The following CTNNA2 variants were observed in gnomAD, a reference collection of about 807,000 sequenced individuals.
CTNNA2 encodes the protein catenin alpha-2.
In CTNNA2, 42 loss-of-function variants were observed where a neutral mutation model predicts 101.0. That is an observed-to-expected ratio of 0.42 (90% confidence interval 0.32 to 0.54). CTNNA2 has a LOEUF of 0.54. Ranked by LOEUF, CTNNA2 falls within the 20% of genes least tolerant of loss-of-function variation. CTNNA2 has a pLI of 0.14. For missense variants in CTNNA2, 871 were observed against 1,223.1 expected, an observed-to-expected ratio of 0.71 and a Z score of 4.29; for synonymous variants, 450 against 456.4, an observed-to-expected ratio of 0.99 and a Z score of 0.18.
intron 7 of CTNNA2, among the ~76,000 whole-genome samples, chr2:80,116,947 G>T (rs1319228): frequency 6.8e-6 from 1 of 147,784 alleles, no homozygotes; most frequent in African/African-American, 2.6e-5. Flanking sequence ...CTATGCAAAG[G>T]TATTTAGGCT....
At chr2:79,256,650 C>T (rs1166917294) in intron 2 of CTNNA2, among the ~76,000 whole-genome samples, 1 of 152,182 alleles carries the variant, frequency 6.6e-6, no homozygotes, top group Non-Finnish European at 1.5e-5. Context: ...TCATCCACTA[C>T]TTGCTCAAGC....
intron 7 of CTNNA2, among the ~76,000 whole-genome samples, chr2:80,164,938 G>GTT (rs1558866800): frequency 9.3e-6 from 1 of 107,100 alleles, no homozygotes; most frequent in Non-Finnish European, 1.8e-5. Flanking sequence ...CCCAACTTTT[G>GTT]GTTTTTTTTT....
chr2:80,108,084 G>C (rs1202309567), intron 7 of CTNNA2, among the ~76,000 whole-genome samples: 1 of 152,142 alleles, frequency 6.6e-6, no homozygotes, highest in Admixed American at 6.5e-5. Flanking sequence ...TATGCTTCTT[G>C]GTTGAATGTG....
chr2:80,542,335 G>A (rs535726761), intron 9 of CTNNA2, among the ~76,000 whole-genome samples: 1 of 152,058 alleles, frequency 6.6e-6, no homozygotes, highest in Admixed American at 6.6e-5. Flanking sequence ...TTAACCATCA[G>A]GATTTTTATG....
At chr2:79,673,984 T>C (rs1204018028) in intron 2 of CTNNA2, among the ~76,000 whole-genome samples, 1 of 152,212 alleles carries the variant, frequency 6.6e-6, no homozygotes, top group African/African-American at 2.4e-5. Context: ...TGTTGGAAGT[T>C]GTGAGGCACT....
At chr2:79,742,623 C>A (rs1225087466) in intron 2 of CTNNA2, among the ~76,000 whole-genome samples, 2 of 152,108 alleles carry the variant, frequency 1.3e-5, no homozygotes, top group Non-Finnish European at 2.9e-5. Context: ...GAAAAGCAAT[C>A]TTTGTGACAA....
chr2:79,624,315 A>C (rs908128179), intron 1 of CTNNA2, among the ~76,000 whole-genome samples: 1 of 150,068 alleles, frequency 6.7e-6, no homozygotes, highest in African/African-American at 2.5e-5. Flanking sequence ...GCAAGGAAAG[A>C]TATTTGAATT....
intron 7 of CTNNA2, among the ~76,000 whole-genome samples, chr2:80,214,831 T>A (rs1167975473): frequency 6.6e-6 from 1 of 152,256 alleles, no homozygotes; most frequent in Non-Finnish European, 1.5e-5. Context: ...GAAGTTCTCC[T>A]GCATAATATC....
At chr2:80,467,130 A>G (rs968565429) in intron 9 of CTNNA2, among the ~76,000 whole-genome samples, 6 of 152,204 alleles carry the variant, frequency 3.9e-5, no homozygotes, top group African/African-American at 1.4e-4. Context: ...AAAAGTCTCA[A>G]AGAGGTTGTA....
At chr2:79,678,123 C>T (rs1683307955) in intron 2 of CTNNA2, among the ~76,000 whole-genome samples, 1 of 152,222 alleles carries the variant, frequency 6.6e-6, no homozygotes, top group Non-Finnish European at 1.5e-5. Flanking sequence ...CAGATAGTTA[C>T]TTCCAGATTC....
At chr2:80,199,462 T>G (rs1212193447) in intron 7 of CTNNA2, among the ~76,000 whole-genome samples, 1 of 152,190 alleles carries the variant, frequency 6.6e-6, no homozygotes, top group Non-Finnish European at 1.5e-5. Flanking sequence ...GTCTTGAATA[T>G]TTCAGCCAAA....
At chr2:79,348,153 C>A (rs1255404072) in intron 3 of CTNNA2, among the ~76,000 whole-genome samples, 4 of 152,078 alleles carry the variant, frequency 2.6e-5, no homozygotes, top group African/African-American at 4.8e-5. Flanking sequence ...AAACGACTTA[C>A]TTTGGACTCC....
chr2:79,405,534 C>T (rs1211825764), intron 4 of CTNNA2, among the ~76,000 whole-genome samples: 1 of 151,942 alleles, frequency 6.6e-6, no homozygotes, highest in African/African-American at 2.4e-5. Flanking sequence ...TCATGTTGAC[C>T]AGGTGGATCT....
chr2:79,382,618 T>A (rs977513771), intron 4 of CTNNA2, among the ~76,000 whole-genome samples: 3 of 152,114 alleles, frequency 2.0e-5, no homozygotes, highest in African/African-American at 7.2e-5. Context: ...ACTATTAAAT[T>A]TTTTTTCTTT....
At chr2:79,228,651 C>G (rs1415464931) in intron 2 of CTNNA2, among the ~76,000 whole-genome samples, 1 of 150,470 alleles carries the variant, frequency 6.6e-6, no homozygotes, top group Non-Finnish European at 1.5e-5. Context: ...GGATATTAGA[C>G]TTTTGTCACA....
chr2:80,593,016 T>C (rs1696643912), intron 15 of CTNNA2, among the ~76,000 whole-genome samples: 1 of 152,172 alleles, frequency 6.6e-6, no homozygotes, highest in African/African-American at 2.4e-5. Context: ...GAATTACCTA[T>C]GTCCTAAAGA....
chr2:80,263,423 C>T (rs1477977980), intron 7 of CTNNA2, among the ~76,000 whole-genome samples: 1 of 152,164 alleles, frequency 6.6e-6, no homozygotes, highest in Non-Finnish European at 1.5e-5. Context: ...AAACCTCCGC[C>T]TCCTGGGTTC....
intron 7 of CTNNA2, among the ~76,000 whole-genome samples, chr2:80,364,217 T>A (rs1208014124): frequency 6.6e-6 from 1 of 152,266 alleles, no homozygotes; most frequent in Non-Finnish European, 1.5e-5. Context: ...ACTGTTCTCC[T>A]GTCTTGCTGT....
Position 80,467,490 on chromosome 2 carries a change from A to AGTT in CTNNA2, c.1290+47891_1290+47893dup, listed in dbSNP as rs1684958529. Among the ~76,000 whole-genome samples, 4 of 152,286 alleles carry AGTT rather than the reference A, an allele frequency of 2.6e-5. No individual in the cohort carries two copies. In the South Asian group the frequency reaches 6.2e-4, roughly 24 times the overall value. On this transcript the variant is annotated intron_variant, in intron 9 of 18. Coordinates refer to ENST00000402739, the MANE Select transcript of CTNNA2 (RefSeq NM_001282597.3). ...GAGACCATAATTAGTTCAAAATAAA[A>AGTT]GTTGCAAAAAACCCCAAAACTTCAC...
Sources: gnomAD v4.1 joint callset for allele counts (sites outside exome capture counted in the v4.1 genomes callset) on GRCh38, gnomAD v4.1.1 for gene constraint, MANE v1.5 for transcripts, NCBI Gene and HGNC (gene_info 2026-07-23, HGNC 2026-07-21) for gene names.